The following TTLL11 variants were observed in gnomAD, a reference collection of about 807,000 sequenced individuals.
TTLL11 encodes the protein tubulin polyglutamylase TTLL11.
In TTLL11, 42 loss-of-function variants were observed where a neutral mutation model predicts 51.7. The observed-to-expected ratio is 0.81, with a 90% CI of 0.64 to 1.05. The LOEUF (loss-of-function observed/expected upper bound fraction) is 1.05. Ranked by LOEUF, TTLL11 falls within the 50% of genes least tolerant of loss-of-function variation. TTLL11 has a pLI of 0.00. For missense variants in TTLL11, 799 were observed against 940.4 expected (o/e 0.85, Z 1.97); for synonymous variants, 381 against 383.5 (o/e 0.99, Z 0.08).
intron 8 of TTLL11, among the ~76,000 whole-genome samples, chr9:121,845,094 A>G (rs1180130624): frequency 6.6e-6 from 1 of 152,158 alleles, no homozygotes; most frequent in African/African-American, 2.4e-5. Flanking sequence ...AAAACCAGAG[A>G]CAAAGAGAAA....
chr9:121,909,634 G>T (rs1469969366), intron 6 of TTLL11, among the ~76,000 whole-genome samples: 1 of 152,156 alleles, frequency 6.6e-6, no homozygotes, highest in Non-Finnish European at 1.5e-5. Context: ...CAGGCATTGT[G>T]TTGGGAACTA....
At chr9:122,072,768 A>T (rs1046555916) in intron 1 of TTLL11, among the ~76,000 whole-genome samples, 4 of 152,152 alleles carry the variant, frequency 2.6e-5, no homozygotes, top group African/African-American at 9.7e-5. Flanking sequence ...TCCAGCTCAG[A>T]GGTGCATCCT....
chr9:121,826,557 G>GTGTGTGTGTGTATATATATATATATATA (rs1189626793), intron 8 of TTLL11, among the ~76,000 whole-genome samples: 12 of 51,342 alleles, frequency 2.3e-4, no homozygotes, highest in African/African-American at 6.3e-4. Context: ...ATATGTGTGT[G>GTGTGTGTGTGTATATATATATATATATA]TATATATATA....
intron 1 of TTLL11, among the ~76,000 whole-genome samples, chr9:122,068,642 C>T (rs944600924): frequency 9.8e-5 from 15 of 152,312 alleles, no homozygotes; most frequent in Admixed American, 9.2e-4. Flanking sequence ...TAGTAAGAAG[C>T]AGAGCCTGGG....
At chr9:121,954,373 C>A (rs1841954807) in intron 6 of TTLL11, among the ~76,000 whole-genome samples, 1 of 152,190 alleles carries the variant, frequency 6.6e-6, no homozygotes, top group African/African-American at 2.4e-5. Context: ...CTCTGTCCCC[C>A]AGTTACAAGC....
rs77971293 is a variant in TTLL11, at chr9:122,048,535, G to A, written c.463-9167C>T. Among the ~76,000 whole-genome samples, 155 of 152,068 alleles carry A rather than the reference G, an allele frequency of 1.0e-3. 2 individuals carry two copies. In the East Asian group the frequency reaches 0.023, roughly 23 times the overall value. On this transcript the variant is annotated intron_variant, in intron 1 of 8. Coordinates refer to ENST00000321582, the MANE Select transcript of TTLL11 (RefSeq NM_001139442.2). The stretch of plus-strand genomic sequence containing the variant: ...TGCTACAACTCTTCAATGCCTCCCC[G>A]TGGACCGACCACAGGATCAAGGCTA...
chr9:121,865,447 A>G (rs894425054), intron 7 of TTLL11, among the ~76,000 whole-genome samples: 1 of 152,226 alleles, frequency 6.6e-6, no homozygotes, highest in African/African-American at 2.4e-5. Context: ...CCTAGAAATA[A>G]ACCTGGTTTT....
At chr9:121,979,379 A>G (rs7855045) in intron 4 of TTLL11, among the ~76,000 whole-genome samples, 61,365 of 152,124 alleles carry the variant, frequency 0.4, 13,488 homozygotes, top group East Asian at 0.66. Context: ...TGATCCATGT[A>G]TACTGCGAGA....
At chr9:122,016,455 T>A (rs1016497095) in intron 3 of TTLL11, among the ~76,000 whole-genome samples, 6 of 152,330 alleles carry the variant, frequency 3.9e-5, no homozygotes, top group Middle Eastern at 3.4e-3. Flanking sequence ...ATGATGTGAC[T>A]AATAGATTTA....
intron 6 of TTLL11, among the ~76,000 whole-genome samples, chr9:121,909,543 T>C (rs1840042256): frequency 6.6e-6 from 1 of 152,172 alleles, no homozygotes; most frequent in South Asian, 2.1e-4. Context: ...TTTTTCCAAG[T>C]ATATGCTTTT....
chr9:122,086,735 T>C (rs1846137378), intron 1 of TTLL11, among the ~76,000 whole-genome samples: 1 of 152,246 alleles, frequency 6.6e-6, no homozygotes, highest in Admixed American at 6.5e-5. Flanking sequence ...TTTTAAGTCC[T>C]ATTTGCATTA....
intron 1 of TTLL11, among the ~76,000 whole-genome samples, chr9:122,079,363 C>A (rs1490514943): frequency 2.0e-5 from 3 of 152,088 alleles, no homozygotes; most frequent in African/African-American, 2.4e-5. Context: ...CTTAATGTAA[C>A]CCCCTCCCCC....
intron 6 of TTLL11, among the ~76,000 whole-genome samples, chr9:121,971,756 A>AAAAAAG (rs1249173287): frequency 2.0e-5 from 3 of 150,492 alleles, no homozygotes; most frequent in Middle Eastern, 3.5e-3. Context: ...GAAAAAAAAA[A>AAAAAAG]AAAAAGAAAA....
intron 6 of TTLL11, among the ~76,000 whole-genome samples, chr9:121,960,417 T>C (rs1363060197): frequency 6.6e-6 from 1 of 152,170 alleles, no homozygotes; most frequent in Non-Finnish European, 1.5e-5. Context: ...TCTGGAGCTG[T>C]CCATGCTCTG....
Position 121,935,991 on chromosome 9 carries a change from G to A in TTLL11, c.1481+38018C>T, listed in dbSNP as rs149958224. ...AAAGCAGCCTTAGGTAGTAACCTAC[G>A]TAACCCAGTCTCTTAGTGACTGGCT... On this transcript the variant is annotated intron_variant, in intron 6 of 8. Coordinates refer to ENST00000321582, the MANE Select transcript of TTLL11 (RefSeq NM_001139442.2). 6.1e-3 allele frequency among the ~76,000 whole-genome samples: 929 copies of A among 152,298 alleles called. 6 individuals carry two copies. The highest frequency in any genetic ancestry group is 0.021 in the African/African-American group (881 of 41,552).
At chr9:122,086,046 C>T (rs1442436931) in intron 1 of TTLL11, among the ~76,000 whole-genome samples, 2 of 152,226 alleles carry the variant, frequency 1.3e-5, no homozygotes, top group African/African-American at 4.8e-5. Context: ...TTGCCTTAAA[C>T]TTCTGCTGAT....
chr9:122,011,130 G>A (rs535955225), intron 3 of TTLL11, among the ~76,000 whole-genome samples: 2 of 152,262 alleles, frequency 1.3e-5, no homozygotes, highest in East Asian at 3.9e-4. Flanking sequence ...GGTTTTACAA[G>A]GAGTTTCTCC....
At chr9:121,847,712 C>T (rs1837557619) in intron 8 of TTLL11, among the ~76,000 whole-genome samples, 1 of 152,160 alleles carries the variant, frequency 6.6e-6, no homozygotes, top group Admixed American at 6.5e-5. Flanking sequence ...TTGGTGAGTT[C>T]TAACAAACGT....
At chr9:121,976,113 A>G (rs1365367468) in intron 4 of TTLL11, among the ~76,000 whole-genome samples, 1 of 152,196 alleles carries the variant, frequency 6.6e-6, no homozygotes. Context: ...AAAAAGGATG[A>G]ACAGTTTCAC....
Sources: allele counts gnomAD v4.1 joint callset (sites outside exome capture counted in the v4.1 genomes callset), GRCh38; gene constraint gnomAD v4.1.1; transcripts MANE v1.5; gene names NCBI Gene and HGNC (gene_info 2026-07-23, HGNC 2026-07-21).